The following PIP5K1A variants were observed in gnomAD, a reference collection of about 807,000 sequenced individuals.
PIP5K1A encodes the protein phosphatidylinositol-4-phosphate 5-kinase type 1 alpha.
PIP5K1A carries 46 observed loss-of-function variants against 72.9 expected under a neutral mutation model. The observed-to-expected ratio is 0.63, with a 90% CI of 0.50 to 0.81. The LOEUF is 0.81. PIP5K1A is among the 30% of genes least tolerant of loss of function. The pLI is 0.00. For missense variants in PIP5K1A, 458 were observed against 706.1 expected (o/e 0.65, Z 3.98); for synonymous variants, 228 against 255.1 (o/e 0.89, Z 1.01).
Position 151,199,005 on chromosome 1 carries a change from G to C in PIP5K1A, c.9G>C (p.Ser3=). Residue 3 remains serine, a synonymous_variant, in exon 1 of 16, where the codon TCG becomes TCC. Coordinates refer to ENST00000368888, the MANE Select transcript of PIP5K1A (RefSeq NM_001135638.2). The stretch of plus-strand genomic sequence containing the variant: ...GGGAGGGGGCTGCTAAGATGGCGTC[G>C]GCCTCCTCCGGGCCGTCGTCTTCGG... MA[S]ASSGPSSSVG... 1 of 1,614,046 alleles carries C rather than the reference G, an allele frequency of 6.2e-7. No homozygotes were observed. Among genetic ancestry groups the C allele is most frequent in the East Asian group, 2.2e-5 (1 of 44,872 alleles).
At position 151,198,697 on chromosome 1, in the gene PIP5K1A, G is replaced by A. The variant is rs940743353; in HGVS notation, c.-300G>A. 9.1e-6 allele frequency: 4 copies of A among 437,870 alleles called. No individual in the cohort carries two copies. The highest frequency in any genetic ancestry group is 5.9e-5 in the African/African-American group (3 of 50,868). 27.1% of individuals were successfully genotyped at this position (437,870 alleles called of 1,614,324 possible). On this transcript the variant is annotated 5_prime_UTR_variant, in exon 1 of 16. Coordinates refer to ENST00000368888, the MANE Select transcript of PIP5K1A (RefSeq NM_001135638.2). The stretch of plus-strand genomic sequence containing the variant: ...CAGATGTGGCTTGGTCTGGGCGCAA[G>A]GTCCCAGCAGCCAGCTTAAGCTTAC...
rs1690258169 is a variant in PIP5K1A at position 151,232,589 on chromosome 1, C to T, written c.525C>T (p.Ser175=). The T allele has an allele frequency of 6.2e-7, 1 of 1,610,064 alleles. No homozygotes were observed. Among genetic ancestry groups the T allele is most frequent in the Non-Finnish European group, 8.5e-7 (1 of 1,178,956 alleles). ...LCSEPLIELC[S]SGASGSLFYV... Reference sequence around the variant, plus strand: ...GTGAGCCGCTGATTGAACTCTGTAGCTCTGGAGCTAGTGGTTCCCTATTCT... The same window carrying T: ...GTGAGCCGCTGATTGAACTCTGTAGTTCTGGAGCTAGTGGTTCCCTATTCT... The change falls in exon 7 of 16, where the codon AGC becomes AGT. Residue 175 remains serine (S), a synonymous_variant. Coordinates refer to ENST00000368888, the MANE Select transcript of PIP5K1A (RefSeq NM_001135638.2).
intron 1 of PIP5K1A, among the ~76,000 whole-genome samples, chr1:151,206,016 T>G (rs1318963710): frequency 1.3e-5 from 2 of 152,116 alleles, no homozygotes; most frequent in South Asian, 2.1e-4. Context: ...AAGAAGCCCG[T>G]TTCCCCTATT....
Position 151,236,771 on chromosome 1 carries a change from G to GCCCT in PIP5K1A, c.1145+8_1145+9insCCCT. The GCCCT allele has an allele frequency of 6.2e-7, 1 of 1,603,966 alleles. No individual in the cohort carries two copies. The highest frequency in any genetic ancestry group is 8.5e-7 in the Non-Finnish European group (1 of 1,171,250). ...CATGGAGACTGATGACCAGTAAGTG[G>GCCCT]GCTCAGGGCCACTAGGGGGGAGAAC... On this transcript the variant is annotated intron_variant, in intron 9 of 15. Coordinates refer to ENST00000368888, the MANE Select transcript of PIP5K1A (RefSeq NM_001135638.2).
chr1:151,232,897 A>T (rs187759963), intron 7 of PIP5K1A, among the ~76,000 whole-genome samples, 194 bp downstream of exon 7: 8 of 152,194 alleles, frequency 5.3e-5, no homozygotes, highest in Admixed American at 4.6e-4. Context: ...TCAGGAGATC[A>T]AGACCATCCT....
chr1:151,229,313 A>G (rs1363509110), intron 4 of PIP5K1A, among the ~76,000 whole-genome samples: 2 of 151,286 alleles, frequency 1.3e-5, no homozygotes, highest in African/African-American at 4.9e-5. Context: ...TCAGCCTCCA[A>G]AGTAACTGGG....
chr1:151,228,233 C>T (rs1689449271), intron 4 of PIP5K1A, among the ~76,000 whole-genome samples: 1 of 151,966 alleles, frequency 6.6e-6, no homozygotes, highest in Admixed American at 6.6e-5. Flanking sequence ...GCTATTGTAA[C>T]CTCCGACTCC....
chr1:151,237,903 T>G (rs1303346051), intron 9 of PIP5K1A, among the ~76,000 whole-genome samples: 1 of 152,192 alleles, frequency 6.6e-6, no homozygotes, highest in Non-Finnish European at 1.5e-5. Flanking sequence ...AATTTTAGAT[T>G]CTCTTTGGTG....
At chr1:151,216,504 C>G (rs35463346) in intron 1 of PIP5K1A, among the ~76,000 whole-genome samples, 1,979 of 152,198 alleles carry the variant, frequency 0.013, 21 homozygotes, top group Middle Eastern at 0.024. Flanking sequence ...ATAGAAGTAT[C>G]TTTTCTCAGA....
At chr1:151,211,456 G>T (rs375840258) in intron 1 of PIP5K1A, among the ~76,000 whole-genome samples, 1 of 152,070 alleles carries the variant, frequency 6.6e-6, no homozygotes, top group South Asian at 2.1e-4. Context: ...CTGCCCTCCA[G>T]CCTGGGTGAC....
intron 1 of PIP5K1A, among the ~76,000 whole-genome samples, chr1:151,221,484 C>G (rs587673643): frequency 6.6e-6 from 1 of 152,230 alleles, no homozygotes; most frequent in South Asian, 2.1e-4. Context: ...GCCACACTTC[C>G]AAGTGTAGAC....
At chr1:151,201,351 T>C (rs587623026) in intron 1 of PIP5K1A, among the ~76,000 whole-genome samples, 1 of 151,338 alleles carries the variant, frequency 6.6e-6, no homozygotes, top group East Asian at 2.0e-4. Flanking sequence ...TATAAATGTT[T>C]TTGTGGTTTT....
chr1:151,205,808 A>G (rs1301271863), intron 1 of PIP5K1A, among the ~76,000 whole-genome samples: 1 of 152,128 alleles, frequency 6.6e-6, no homozygotes, highest in Non-Finnish European at 1.5e-5. Flanking sequence ...AAAAAAAAGA[A>G]AAGGGAACAA....
chr1:151,245,767 T>A (rs1260442119), intron 14 of PIP5K1A, among the ~76,000 whole-genome samples: 1 of 152,126 alleles, frequency 6.6e-6, no homozygotes, highest in Non-Finnish European at 1.5e-5. Flanking sequence ...AACTCCTGGC[T>A]TCAGATGATC....
chr1:151,243,760 G>A (rs760812703), intron 14 of PIP5K1A, among the ~76,000 whole-genome samples: 41 of 152,034 alleles, frequency 2.7e-4, no homozygotes, highest in Non-Finnish European at 4.7e-4. Flanking sequence ...TGTCCTTTTT[G>A]ATCCAAGATG....
chr1:151,221,559 G>T (rs587630321), intron 1 of PIP5K1A, among the ~76,000 whole-genome samples: 1 of 152,142 alleles, frequency 6.6e-6, no homozygotes, highest in African/African-American at 2.4e-5. Flanking sequence ...GGAAATGCAG[G>T]TCTCAAGATT....
intron 11 of PIP5K1A, among the ~76,000 whole-genome samples, 181 bp from the exon 12 acceptor site, chr1:151,239,774 C>T (rs995971152): frequency 6.6e-6 from 1 of 152,122 alleles, no homozygotes; most frequent in African/African-American, 2.4e-5. Flanking sequence ...GTGATCCGCC[C>T]ACCTCAGCTT....
chr1:151,223,448 A>G (rs1382503092), intron 1 of PIP5K1A, among the ~76,000 whole-genome samples: 2 of 151,476 alleles, frequency 1.3e-5, no homozygotes, highest in East Asian at 1.9e-4. Context: ...GATTGAGACC[A>G]TCCTGGCTAA....
intron 12 of PIP5K1A, among the ~76,000 whole-genome samples, chr1:151,240,599 G>A (rs2101600762): frequency 6.6e-6 from 1 of 152,190 alleles, no homozygotes; most frequent in South Asian, 2.1e-4. Context: ...CCATAGCGAG[G>A]GAGAGGGGAC....
Sources: allele counts gnomAD v4.1 joint callset (sites outside exome capture counted in the v4.1 genomes callset), GRCh38; gene constraint gnomAD v4.1.1; transcripts MANE v1.5; gene names NCBI Gene and HGNC (gene_info 2026-07-23, HGNC 2026-07-21).